The following NOL4 variants were observed in gnomAD, a reference collection of about 807,000 sequenced individuals.
The protein encoded by NOL4 is nucleolar protein 4, also known as cancer/testis antigen 125.
In NOL4, 17 loss-of-function variants were observed where a neutral mutation model predicts 75.9. That is an observed-to-expected ratio of 0.22 (90% CI 0.15 to 0.34). NOL4 has a LOEUF of 0.34. NOL4 is among the 10% of genes least tolerant of loss of function. The probability of loss-of-function intolerance (pLI) is 1.00; values close to 1 mark genes in which losing one functional copy is unlikely to be tolerated. For synonymous variants in NOL4, 292 were observed against 289.9 expected, an observed-to-expected ratio of 1.01 and a Z score of -0.07; for missense variants, 614 against 793.5, an observed-to-expected ratio of 0.77 and a Z score of 2.72.
intron 6 of NOL4, among the ~76,000 whole-genome samples, chr18:33,992,578 T>C (rs1265455850): frequency 6.6e-6 from 1 of 152,002 alleles, no homozygotes; most frequent in East Asian, 1.9e-4. Flanking sequence ...CCCCTTCCAG[T>C]TGAGACAGAA....
At chr18:33,861,320 T>C (rs1476387190) in intron 10 of NOL4, among the ~76,000 whole-genome samples, 1 of 152,174 alleles carries the variant, frequency 6.6e-6, no homozygotes, top group East Asian at 1.9e-4. Flanking sequence ...ACTCCTGTTA[T>C]TGGTCTATTC....
chr18:33,994,337 C>T (rs1282642466), intron 6 of NOL4, among the ~76,000 whole-genome samples: 1 of 151,752 alleles, frequency 6.6e-6, no homozygotes, highest in African/African-American at 2.4e-5. Context: ...ACATTCTACC[C>T]AACAACAGCA....
intron 1 of NOL4, among the ~76,000 whole-genome samples, chr18:34,206,414 A>T (rs1600876002): frequency 6.6e-6 from 1 of 152,272 alleles, no homozygotes; most frequent in African/African-American, 2.4e-5. Context: ...CATACTGAAG[A>T]ACTTCCTTCA....
At chr18:34,129,446 T>C (rs1212620041) in intron 2 of NOL4, among the ~76,000 whole-genome samples, 1 of 151,796 alleles carries the variant, frequency 6.6e-6, no homozygotes, top group East Asian at 1.9e-4. Context: ...TTATTATTAC[T>C]ATGAACTAGA....
chr18:33,851,502 C>T lies in NOL4; in HGVS notation c.*1340G>A, dbSNP rs186065790. On this transcript the variant is annotated 3_prime_UTR_variant, in exon 11 of 11. Transcript: ENST00000261592. ...AAACTCATTGTCAAAAACTGAATGA[C>T]ATAAATTTTACATGAAATAAGGCAA... 6.6e-6 allele frequency: 1 copy of T among 152,394 alleles called. No homozygotes were observed. Among genetic ancestry groups the T allele is most frequent in the East Asian group, 1.9e-4 (1 of 5,162 alleles). The allele number at this position is 152,394 out of a possible 1,614,324, so 9.4% of individuals were successfully genotyped here.
intron 1 of NOL4, among the ~76,000 whole-genome samples, chr18:34,185,649 C>G (rs867919890): frequency 2.6e-5 from 4 of 152,164 alleles, no homozygotes; most frequent in African/African-American, 9.7e-5. Context: ...CCATGAGAAT[C>G]TCTTGTTTCT....
At chr18:33,901,152 A>G (rs1244605869) in intron 9 of NOL4, among the ~76,000 whole-genome samples, 1 of 152,172 alleles carries the variant, frequency 6.6e-6, no homozygotes, top group African/African-American at 2.4e-5. Context: ...TTTGCCTTTG[A>G]TAGATATTTT....
At chr18:34,218,343 G>T (rs1388552780) in intron 1 of NOL4, among the ~76,000 whole-genome samples, 1 of 152,136 alleles carries the variant, frequency 6.6e-6, no homozygotes, top group Non-Finnish European at 1.5e-5. Context: ...GCCAAATCTT[G>T]CCCCATCTCC....
chr18:34,092,870 A>G (rs2078592541), intron 5 of NOL4, among the ~76,000 whole-genome samples: 1 of 152,194 alleles, frequency 6.6e-6, no homozygotes, highest in African/African-American at 2.4e-5. Flanking sequence ...CTACATATCT[A>G]GCTTTCTTCC....
At chr18:33,902,222 T>A (rs2065786883) in intron 9 of NOL4, among the ~76,000 whole-genome samples, 1 of 152,046 alleles carries the variant, frequency 6.6e-6, no homozygotes, top group South Asian at 2.1e-4. Flanking sequence ...TTAAATGAGG[T>A]TTTCTTAAGG....
chr18:33,903,649 T>C (rs945162271), intron 9 of NOL4, among the ~76,000 whole-genome samples: 4 of 152,182 alleles, frequency 2.6e-5, no homozygotes, highest in African/African-American at 7.2e-5. Flanking sequence ...TTTGGATTCA[T>C]TTTATAATTG....
chr18:33,881,899 C>T (rs1325088747), intron 10 of NOL4, among the ~76,000 whole-genome samples: 13 of 151,920 alleles, frequency 8.6e-5, no homozygotes, highest in Admixed American at 5.3e-4. Context: ...GAAATAAAGC[C>T]GCATATCTAC....
chr18:34,046,783 A>G (rs1459246596), intron 5 of NOL4, among the ~76,000 whole-genome samples: 1 of 151,152 alleles, frequency 6.6e-6, no homozygotes. Context: ...AAATAAAGTC[A>G]TTGGTTTGTC....
At chr18:34,186,235 G>A (rs1054123707) in intron 1 of NOL4, among the ~76,000 whole-genome samples, 4 of 151,896 alleles carry the variant, frequency 2.6e-5, no homozygotes, top group African/African-American at 4.8e-5. Context: ...ATATTGATTC[G>A]AAGATGATGT....
chr18:33,953,459 T>C (rs189113891), intron 8 of NOL4, among the ~76,000 whole-genome samples: 154 of 150,762 alleles, frequency 1.0e-3, no homozygotes, highest in African/African-American at 3.6e-3. Flanking sequence ...TATGAAAGAC[T>C]AGAACTAAAA....
intron 8 of NOL4, among the ~76,000 whole-genome samples, chr18:33,952,235 T>C (rs909613219): frequency 4.6e-5 from 7 of 152,176 alleles, no homozygotes; most frequent in Admixed American, 2.0e-4. Context: ...CAGTGATAAG[T>C]AGCTCTGAAA....
intron 9 of NOL4, among the ~76,000 whole-genome samples, chr18:33,883,881 C>T (rs923378176): frequency 1.3e-5 from 2 of 152,050 alleles, no homozygotes; most frequent in Non-Finnish European, 1.5e-5. Flanking sequence ...TTGTGTGATG[C>T]CACTTATAAG....
At chr18:34,185,454 T>C (rs1457260813) in intron 1 of NOL4, among the ~76,000 whole-genome samples, 6 of 152,106 alleles carry the variant, frequency 3.9e-5, no homozygotes, top group African/African-American at 4.8e-5. Flanking sequence ...AGAAACTGAA[T>C]TTTTTACAAT....
chr18:33,994,778 A>G (rs2073156322), intron 6 of NOL4, among the ~76,000 whole-genome samples: 1 of 151,690 alleles, frequency 6.6e-6, no homozygotes, highest in Non-Finnish European at 1.5e-5. Flanking sequence ...AAAAGAAAGA[A>G]AATAATGAAG....
Sources: allele counts gnomAD v4.1 joint callset (sites outside exome capture counted in the v4.1 genomes callset), GRCh38; gene constraint gnomAD v4.1.1; transcripts MANE v1.5; gene names NCBI Gene and HGNC (gene_info 2026-07-23, HGNC 2026-07-21).